Variants in CHDH observed in about 807,000 individuals in gnomAD.
The protein encoded by CHDH is choline dehydrogenase, mitochondrial.
Under a neutral mutation model 56.9 loss-of-function variants are expected in CHDH, and 43 were observed. The ratio of observed to expected loss-of-function variants is 0.76; its 90% CI spans 0.59 to 0.97. The LOEUF (loss-of-function observed/expected upper bound fraction) is 0.97. Ranked by LOEUF, CHDH falls within the 50% of genes least tolerant of loss-of-function variation. The probability of loss-of-function intolerance (pLI) is 0.00; values close to 1 mark genes in which losing one functional copy is unlikely to be tolerated. For missense variants in CHDH, 816 were observed against 821.1 expected, an observed-to-expected ratio of 0.99 and a Z score of 0.08; for synonymous variants, 364 against 348.5, an observed-to-expected ratio of 1.04 and a Z score of -0.50.
Position 53,819,823 on chromosome 3 carries a change from T to C in CHDH, c.1121-149A>G. The C allele has an allele frequency of 2.2e-6, 2 of 914,188 alleles. No individual in the cohort carries two copies. Among genetic ancestry groups the C allele is most frequent in the Non-Finnish European group, 3.2e-6 (2 of 629,450 alleles). The allele number at this position is 914,188 out of a possible 1,614,324, so 56.6% of individuals were successfully genotyped here. A position where few individuals can be genotyped will look rare whatever the true frequency, so the allele number is the denominator to read the frequency against. On this transcript the variant is annotated intron_variant, in intron 6 of 8. Coordinates refer to ENST00000315251, the MANE Select transcript of CHDH (RefSeq NM_018397.5). The surrounding 1 kb of genome is among the most constrained non-coding windows in gnomAD (Gnocchi z 5.4). Reference sequence around the variant, plus strand: ...CCTGGACCCAAGTCCTGTCCACATCTGTTCACCCCTCACAGGGGGCTCACC... The same window carrying C: ...CCTGGACCCAAGTCCTGTCCACATCCGTTCACCCCTCACAGGGGGCTCACC...
rs569186964 is a variant in CHDH at position 53,822,361 on chromosome 3, C to CT, written c.855+129dup. 457 of 854,460 alleles carry CT rather than the reference C, an allele frequency of 5.3e-4. 4 individuals are homozygous for CT. In the African/African-American group the frequency reaches 6.6e-3, roughly 12 times the overall value. The allele number at this position is 854,460 out of a possible 1,614,324, so 52.9% of individuals were successfully genotyped here. A position where few individuals can be genotyped will look rare whatever the true frequency, so the allele number is the denominator to read the frequency against. The stretch of plus-strand genomic sequence containing the variant: ...GCCCACTGCCATCAGCTACTCGCCC[C>CT]TCCCCCCGCCATCACAGGGATGAGC... On this transcript the variant is annotated intron_variant, in intron 4 of 8. Transcript: ENST00000315251.
chr3:53,843,607 C>T (rs1698749912), intron 1 of CHDH, among the ~76,000 whole-genome samples: 1 of 152,130 alleles, frequency 6.6e-6, no homozygotes, highest in African/African-American at 2.4e-5. Context: ...TGGGCAGGCT[C>T]AGGCACTGGC....
At chr3:53,835,892 G>T (rs751839644) in intron 2 of CHDH, among the ~76,000 whole-genome samples, 4 of 152,166 alleles carry the variant, frequency 2.6e-5, no homozygotes, top group Non-Finnish European at 5.9e-5. Context: ...TCGAGCCCCT[G>T]CCCCATGTCA....
At chr3:53,844,201 G>A (rs947291665) in intron 1 of CHDH, among the ~76,000 whole-genome samples, 1 of 152,194 alleles carries the variant, frequency 6.6e-6, no homozygotes, top group African/African-American at 2.4e-5. Context: ...AAGCCACTTG[G>A]CCTGGGTCTT....
chr3:53,822,067 G>A (rs1576781212), intron 4 of CHDH, among the ~76,000 whole-genome samples: 1 of 106,436 alleles, frequency 9.4e-6, no homozygotes, highest in East Asian at 2.7e-4. Context: ...TTTAGAGAGA[G>A]CAAGCGGTGA....
At chr3:53,824,236 G>T (rs1576786467) in intron 2 of CHDH, among the ~76,000 whole-genome samples, 169 bp from the exon 3 acceptor site, 1 of 152,352 alleles carries the variant, frequency 6.6e-6, no homozygotes, top group East Asian at 1.9e-4. Flanking sequence ...TTTTGTATGT[G>T]CCAGGATGGA....
intron 2 of CHDH, among the ~76,000 whole-genome samples, chr3:53,827,461 G>A (rs1041867526): frequency 1.3e-5 from 2 of 151,188 alleles, no homozygotes; most frequent in East Asian, 3.9e-4. Context: ...AGCAATGAGA[G>A]AAAAGACTAA....
chr3:53,828,941 GAAAT>G (rs1002080706), intron 2 of CHDH, among the ~76,000 whole-genome samples: 4 of 152,112 alleles, frequency 2.6e-5, no homozygotes, highest in Non-Finnish European at 5.9e-5. Flanking sequence ...CAAAAACCAG[GAAAT>G]AAATATTTAT....
chr3:53,845,667 G>A (rs1270406077), intron 1 of CHDH, among the ~76,000 whole-genome samples: 1 of 152,116 alleles, frequency 6.6e-6, no homozygotes, highest in African/African-American at 2.4e-5. Flanking sequence ...GGCCTGACCC[G>A]GACCTGCCGT....
intron 3 of CHDH, among the ~76,000 whole-genome samples, chr3:53,823,098 C>T (rs942787368): frequency 1.3e-5 from 2 of 152,098 alleles, no homozygotes; most frequent in Non-Finnish European, 2.9e-5. Flanking sequence ...AGAGAACGCC[C>T]AGGGTCACCA....
chr3:53,820,223 G>T (rs2095623598), intron 6 of CHDH, among the ~76,000 whole-genome samples: 1 of 152,174 alleles, frequency 6.6e-6, no homozygotes, highest in Non-Finnish European at 1.5e-5. Flanking sequence ...TAAGCCCCGA[G>T]GAGTCTCACC....
chr3:53,830,850 C>A (rs572063447), intron 2 of CHDH, among the ~76,000 whole-genome samples: 7 of 152,094 alleles, frequency 4.6e-5, no homozygotes, highest in African/African-American at 1.7e-4. Flanking sequence ...CCTCGCCCCC[C>A]ACCCCCACAG....
rs902165421 is a variant in CHDH at position 53,817,017 on chromosome 3, T to C, written c.*760A>G. 2.0e-4 allele frequency: 31 copies of C among 152,172 alleles called. No homozygotes were observed. The highest frequency in any genetic ancestry group is 6.8e-4 in the African/African-American group (28 of 41,324). The allele number at this position is 152,172 out of a possible 1,614,324, so 9.4% of individuals were successfully genotyped here. On this transcript the variant is annotated 3_prime_UTR_variant, in exon 9 of 9. Transcript: ENST00000315251. ...TGTACCACCATGCCCAGCTAATTGT[T>C]TTCCAGAGACAAGGTCTCACTATGT...
chr3:53,834,569 C>T (rs150828735), intron 2 of CHDH, among the ~76,000 whole-genome samples: 3 of 152,272 alleles, frequency 2.0e-5, no homozygotes, highest in African/African-American at 7.2e-5. Flanking sequence ...TGGCCAATTG[C>T]ACAAGACATT....
intron 3 of CHDH, 36 bp downstream of exon 3, chr3:53,823,270 G>A (rs1389897983): frequency 6.9e-7 from 1 of 1,458,536 alleles, no homozygotes; most frequent in East Asian, 2.5e-5. Context: ...GGGGTAGGGG[G>A]TAGTGCTTTT....
chr3:53,821,328 C>A (rs893368), intron 5 of CHDH, among the ~76,000 whole-genome samples: 62 of 152,324 alleles, frequency 4.1e-4, no homozygotes, highest in African/African-American at 1.1e-3. Context: ...GGACCCCTCT[C>A]GCCATAGAGC....
chr3:53,827,797 A>G (rs2095641626), intron 2 of CHDH, among the ~76,000 whole-genome samples: 1 of 152,256 alleles, frequency 6.6e-6, no homozygotes, highest in Non-Finnish European at 1.5e-5. Context: ...AATATTGTCA[A>G]GATGTCAGTT....
rs368281321 is a variant in CHDH at position 53,822,637 on chromosome 3, G to A, written c.709C>T (p.Arg237Trp). ...AGGTAGGCACAGGCCGCGCTCCACC[G>A]TTTGCCTGCAGGATGGAGTGAGGTG... The part of the protein sequence containing the change: ...WMDMTIHEGK[R>W]WSAACAYLHP... Residue 237 changes from arginine (R) to tryptophan (W), a missense_variant, in exon 4 of 9, where the codon CGG becomes TGG. Physicochemically the swap from Arg to Trp is moderately radical, Grantham distance 101. Transcript: ENST00000315251. The A allele has an allele frequency of 2.4e-5, 39 of 1,607,562 alleles. No homozygotes were observed. The highest frequency in any genetic ancestry group is 2.1e-4 in the African/African-American group (16 of 74,908).
chr3:53,835,564 T>A (rs762407249), intron 2 of CHDH, among the ~76,000 whole-genome samples: 1 of 152,374 alleles, frequency 6.6e-6, no homozygotes, highest in East Asian at 1.9e-4. Context: ...GGTCACCTGC[T>A]TTTTTCCATC....
Sources: allele counts gnomAD v4.1 joint callset (sites outside exome capture counted in the v4.1 genomes callset), GRCh38; gene constraint gnomAD v4.1.1; non-coding constraint Gnocchi (gnomAD v3.1); transcripts MANE v1.5; gene names NCBI Gene and HGNC (gene_info 2026-07-23, HGNC 2026-07-21).